Variants in ARHGEF10 observed in about 807,000 individuals in gnomAD.
ARHGEF10 encodes the protein Rho guanine nucleotide exchange factor (GEF) 10.
ARHGEF10 carries 140 observed loss-of-function variants against 147.4 expected under a neutral mutation model. The observed-to-expected ratio is 0.95, with a 90% CI of 0.83 to 1.09. The LOEUF (loss-of-function observed/expected upper bound fraction) is 1.09. Ranked by LOEUF, ARHGEF10 falls within the 50% of genes least tolerant of loss-of-function variation. The pLI is 0.00. For missense variants in ARHGEF10, 2,222 were observed against 1,752.7 expected (o/e 1.27, Z -4.78); for synonymous variants, 902 against 695.8 (o/e 1.30, Z -4.67).
At chr8:1,894,171 CA>C (rs536453124) in intron 12 of ARHGEF10, among the ~76,000 whole-genome samples, 78 of 135,430 alleles carry the variant, frequency 5.8e-4, no homozygotes, top group Non-Finnish European at 6.0e-4. Context: ...GAGACTGTCT[CA>C]AAAAAAAAAA....
intron 26 of ARHGEF10, among the ~76,000 whole-genome samples, chr8:1,939,740 G>A (rs1164856294): frequency 6.6e-6 from 1 of 152,232 alleles, no homozygotes; most frequent in African/African-American, 2.4e-5. Context: ...GGGGCTGCTG[G>A]AAGCAGAGGG....
chr8:1,902,064 G>A (rs889215639), intron 15 of ARHGEF10, among the ~76,000 whole-genome samples: 10 of 151,930 alleles, frequency 6.6e-5, no homozygotes, highest in African/African-American at 1.9e-4. Context: ...CCTGTGCCAT[G>A]GTGGGCTGCT....
intron 2 of ARHGEF10, among the ~76,000 whole-genome samples, chr8:1,855,443 G>A (rs914308471): frequency 6.6e-6 from 1 of 152,078 alleles, no homozygotes; most frequent in Admixed American, 6.5e-5. Context: ...GTGCGGTGGC[G>A]CAATCTCAGC....
rs142951573 is a variant in ARHGEF10, at chr8:1,948,250, C to T, written c.3397+2595C>T. Among the ~76,000 whole-genome samples the T allele has an allele frequency of 2.3e-3, 346 of 152,320 alleles. No homozygotes were observed. Among genetic ancestry groups the T allele is most frequent in the Middle Eastern group, 0.01 (3 of 294 alleles). The stretch of plus-strand genomic sequence containing the variant: ...GGGCTGGCTCTCCATGGCCACAGTG[C>T]GTGCTCTCAGCCCCCTGCTCCGGGG... On this transcript the variant is annotated intron_variant, in intron 27 of 28. Coordinates refer to ENST00000349830, the MANE Select transcript of ARHGEF10 (RefSeq NM_014629.4). The surrounding 1 kb of genome is among the most constrained non-coding windows in gnomAD (Gnocchi z 4.9).
chr8:1,920,872 C>T (rs1212378271), intron 18 of ARHGEF10, among the ~76,000 whole-genome samples: 1 of 152,056 alleles, frequency 6.6e-6, no homozygotes, highest in Non-Finnish European at 1.5e-5. Flanking sequence ...ATGACCTCCT[C>T]CGCCTTCCAG....
At chr8:1,823,803 A>C (rs1338553439), upstream of ARHGEF10, among the ~76,000 whole-genome samples, 1 of 151,576 alleles carries the variant, frequency 6.6e-6, no homozygotes, top group African/African-American at 2.4e-5. Flanking sequence ...GCCTCGAAGG[A>C]ATGCGCGGGC....
intron 6 of ARHGEF10, among the ~76,000 whole-genome samples, chr8:1,867,540 G>A (rs756218857): frequency 1.3e-5 from 2 of 152,124 alleles, no homozygotes; most frequent in Non-Finnish European, 1.5e-5. Flanking sequence ...TAAAGCGAGC[G>A]CATTTCCAAC....
At position 1,869,645 on chromosome 8, in the gene ARHGEF10, A is replaced by C. The variant is rs529577621; in HGVS notation, c.679+395A>C. 9 of 327,438 alleles carry C rather than the reference A, an allele frequency of 2.7e-5. 1 individual carries two copies. Among genetic ancestry groups the C allele is most frequent in the African/African-American group, 1.9e-4 (9 of 46,988 alleles). The allele number at this position is 327,438 out of a possible 1,614,324, so 20.3% of individuals were successfully genotyped here. ...AAGAATTCTCTACAATTAAAGAAAA[A>C]CATAAATTCTCAGATTTTAGACATA... is the stretch of plus-strand genomic sequence containing the variant. On this transcript the variant is annotated intron_variant, in intron 7 of 28. Coordinates refer to ENST00000349830, the MANE Select transcript of ARHGEF10 (RefSeq NM_014629.4).
At chr8:1,915,009 G>A (rs954605646) in intron 18 of ARHGEF10, among the ~76,000 whole-genome samples, 25 of 152,180 alleles carry the variant, frequency 1.6e-4, no homozygotes, top group Non-Finnish European at 3.5e-4. Context: ...CTCACTGGGG[G>A]AGCGGATGCA....
At chr8:1,877,556 A>G (rs572897323) in intron 8 of ARHGEF10, among the ~76,000 whole-genome samples, 1 of 151,946 alleles carries the variant, frequency 6.6e-6, no homozygotes, top group African/African-American at 2.4e-5. Flanking sequence ...GGGAATTTTT[A>G]TTTTACTTTT....
At chr8:1,933,963 C>T in intron 26 of ARHGEF10, 21 bp downstream of exon 26, 1 of 1,614,150 alleles carries the variant, frequency 6.2e-7, no homozygotes, top group Non-Finnish European at 8.5e-7. Context: ...TAGGTGGCTA[C>T]ACGGTGTGGA....
rs746795237 is a variant in ARHGEF10 at position 1,926,578 on chromosome 8, C to G, written c.2697+115C>G. The G allele has an allele frequency of 3.3e-6, 3 of 919,184 alleles. No homozygotes were observed. In the East Asian group the frequency reaches 7.4e-5, roughly 23 times the overall value. 56.9% of individuals were successfully genotyped at this position (919,184 alleles called of 1,614,324 possible). A position where few individuals can be genotyped will look rare whatever the true frequency, so the allele number is the denominator to read the frequency against. On this transcript the variant is annotated intron_variant, in intron 23 of 28. Coordinates refer to ENST00000349830, the MANE Select transcript of ARHGEF10 (RefSeq NM_014629.4). ...AGTAGAGAGTTGGCGGTGGCGTATCCCAGAGTGTACTTAGAAACATGAAAA... is the reference window on the plus strand; with the variant it reads ...AGTAGAGAGTTGGCGGTGGCGTATCGCAGAGTGTACTTAGAAACATGAAAA...
chr8:1,872,904 G>T (rs942035045), intron 7 of ARHGEF10, among the ~76,000 whole-genome samples: 1 of 152,326 alleles, frequency 6.6e-6, no homozygotes, highest in East Asian at 1.9e-4. Context: ...GTGCTTGCAG[G>T]TAAATGTGCC....
At chr8:1,956,705 T>C in intron 28 of ARHGEF10, 44 bp from the exon 29 acceptor site, 1 of 1,612,814 alleles carries the variant, frequency 6.2e-7, no homozygotes. Context: ...GTCTCAAATT[T>C]TGCCTATTTT....
At chr8:1,935,630 G>T (rs1813530390) in intron 26 of ARHGEF10, among the ~76,000 whole-genome samples, 1 of 152,196 alleles carries the variant, frequency 6.6e-6, no homozygotes, top group Non-Finnish European at 1.5e-5. Flanking sequence ...TAGCACTGGG[G>T]CTCATAACGT....
At chr8:1,874,390 C>T (rs1211792067) in intron 7 of ARHGEF10, among the ~76,000 whole-genome samples, 1 of 152,158 alleles carries the variant, frequency 6.6e-6, no homozygotes, top group African/African-American at 2.4e-5. Context: ...TAGACTCTTG[C>T]CAACTGCTGT....
At chr8:1,888,180 G>A in intron 11 of ARHGEF10, among the ~76,000 whole-genome samples, 1 of 60,082 alleles carries the variant, frequency 1.7e-5, no homozygotes, top group Non-Finnish European at 3.3e-5. Flanking sequence ...ACAGTGAGTG[G>A]GGTGAGGGTT....
chr8:1,826,118 C>T (rs745484659), intron 1 of ARHGEF10: 4 of 1,594,562 alleles, frequency 2.5e-6, no homozygotes, highest in East Asian at 2.2e-5. Context: ...CAGATGAGAC[C>T]TCCAGGATTT....
At chr8:1,876,844 C>G in intron 8 of ARHGEF10, 110 bp downstream of exon 8, 3 of 1,263,868 alleles carry the variant, frequency 2.4e-6, no homozygotes, top group Non-Finnish European at 3.5e-6. Context: ...TGTTAAGATG[C>G]TGATAAGTAG....
Sources: allele counts gnomAD v4.1 joint callset (sites outside exome capture counted in the v4.1 genomes callset), GRCh38; gene constraint gnomAD v4.1.1; non-coding constraint Gnocchi (gnomAD v3.1); transcripts MANE v1.5; gene names NCBI Gene and HGNC (gene_info 2026-07-23, HGNC 2026-07-21).